The following BAHCC1 variants were observed in gnomAD, a reference collection of about 807,000 sequenced individuals.
BAHCC1 encodes the protein BAH and coiled-coil domain-containing protein 1.
Under a neutral mutation model 88.2 loss-of-function variants are expected in BAHCC1, and 43 were observed. That is an observed-to-expected ratio of 0.49 (90% CI 0.38 to 0.63). BAHCC1 has a LOEUF of 0.63. Among genes scored for constraint, BAHCC1 ranks in the 20% least tolerant of loss-of-function variants. The pLI, the probability that BAHCC1 is intolerant of heterozygous loss-of-function variation, is 0.00. For missense variants in BAHCC1, 3,023 were observed against 1,654.8 expected (o/e 1.83, Z -14.34); for synonymous variants, 1,510 against 745.5 (o/e 2.03, Z -16.71).
rs2064460990 is a variant in BAHCC1 at position 81,443,396 on chromosome 17, T to C, written c.2047T>C (p.Cys683Arg). The C allele has an allele frequency of 1.3e-6, 1 of 772,956 alleles. No individual in the cohort carries two copies. Among genetic ancestry groups the C allele is most frequent in the Non-Finnish European group, 2.4e-6 (1 of 414,904 alleles). The allele number at this position is 772,956 out of a possible 1,614,324, so 47.9% of individuals were successfully genotyped here. The change falls in exon 5 of 28, where the codon TGT becomes CGT. Residue 683 changes from cysteine to arginine, a missense_variant. Coordinates refer to ENST00000675386, the MANE Select transcript of BAHCC1 (RefSeq NM_001377448.1). ...CCCAGGCCAGTCGGAGAGGCCGGAC[T>C]GTGCCCGCAGCAGGGAGCACGACAC... ...KGPGQSERPD[C>R]ARSREHDTTH...
rs1210915587 is a variant in BAHCC1 at position 81,460,866 on chromosome 17, G to A, written c.6203G>A (p.Gly2068Asp). ...GKKSISKDKA[G>D]KAELLTSGAK... The stretch of plus-strand genomic sequence containing the variant: ...GACTCTGCTGGGCTTTTGCCCTCAG[G>A]TAAAGCCGAACTCCTAACCTCAGGT... Residue 2068 changes from glycine (G) to aspartate (D), a missense_variant and splice_region_variant, in exon 26 of 28, where the codon GGT (glycine) becomes GAT (aspartate). Coordinates refer to ENST00000675386, the MANE Select transcript of BAHCC1 (RefSeq NM_001377448.1). 3 of 766,292 alleles carry A rather than the reference G, an allele frequency of 3.9e-6. No homozygotes were observed. The highest frequency in any genetic ancestry group is 7.2e-6 in the Non-Finnish European group (3 of 417,874). The allele number at this position is 766,292 out of a possible 1,614,324, so 47.5% of individuals were successfully genotyped here.
In BAHCC1 at chr17:81,452,752, G is replaced by A. The variant is rs572349349; in HGVS notation, c.4346G>A (p.Arg1449Gln). 6 of 750,132 alleles carry A rather than the reference G, an allele frequency of 8.0e-6. No individual in the cohort carries two copies. Among genetic ancestry groups the A allele is most frequent in the African/African-American group, 3.5e-5 (2 of 56,588 alleles). 46.5% of individuals were successfully genotyped at this position (750,132 alleles called of 1,614,324 possible). ...GACGAGAGTTCACGGAGCCCTGCACGGCGGGGGCCTGGCCGGCCGAGGAAG... is the reference window on the plus strand; with the variant it reads ...GACGAGAGTTCACGGAGCCCTGCACAGCGGGGGCCTGGCCGGCCGAGGAAG... The part of the protein sequence containing the change: ...ERDESSRSPA[R>Q]RGPGRPRKRK... Residue 1449 changes from arginine to glutamine, a missense_variant, in exon 14 of 28, where the codon CGG becomes CAG. Physicochemically the swap from Arg to Gln is conservative, Grantham distance 43 (BLOSUM62 1). Transcript: ENST00000675386.
chr17:81,461,674 C>G lies in BAHCC1; in HGVS notation c.7011C>G (p.Leu2337=), dbSNP rs1555659475. ...SSSGSVSTSS[L]CSSDNEDSSY... is the part of the protein sequence containing the mutation. ...CAGGCTCCGTGTCCACCTCCAGCCT[C>G]TGCTCCTCCGACAACGAGGACTCGT... The change falls in exon 26 of 28, where the codon CTC becomes CTG. Residue 2337 remains leucine, a synonymous_variant. Coordinates refer to ENST00000675386, the MANE Select transcript of BAHCC1 (RefSeq NM_001377448.1). 1.4e-6 allele frequency: 1 copy of G among 726,176 alleles called. No individual in the cohort carries two copies. The highest frequency in any genetic ancestry group is 2.6e-6 in the Non-Finnish European group (1 of 389,778). 45.0% of individuals were successfully genotyped at this position (726,176 alleles called of 1,614,324 possible). A position where few individuals can be genotyped will look rare whatever the true frequency, so the allele number is the denominator to read the frequency against.
At chr17:81,428,163 C>T (rs2064222032) in intron 3 of BAHCC1, among the ~76,000 whole-genome samples, 3 of 152,182 alleles carry the variant, frequency 2.0e-5, no homozygotes, top group Non-Finnish European at 4.4e-5. Context: ...GCCCCTTCCT[C>T]CCACCCCTGC....
intron 15 of BAHCC1, among the ~76,000 whole-genome samples, 161 bp downstream of exon 15, chr17:81,455,551 G>C (rs906120853): frequency 2.0e-5 from 3 of 152,212 alleles, no homozygotes; most frequent in Non-Finnish European, 2.9e-5. Context: ...GAGGAGGAGG[G>C]TGACCCTGCG....
chr17:81,425,817 G>A (rs1427523731), intron 2 of BAHCC1, among the ~76,000 whole-genome samples: 1 of 144,014 alleles, frequency 6.9e-6, no homozygotes, highest in East Asian at 2.2e-4. Flanking sequence ...CGTGGTGGTG[G>A]TGGGTAATGT....
At chr17:81,421,863 C>G (rs545381970) in intron 2 of BAHCC1, 33 of 315,898 alleles carry the variant, frequency 1.0e-4, no homozygotes, top group African/African-American at 6.3e-4. Context: ...AGGCTCAGTA[C>G]GCAGGATGCC....
intron 2 of BAHCC1, chr17:81,421,930 T>TG (rs1460544899): frequency 9.5e-6 from 4 of 421,536 alleles, no homozygotes; most frequent in Non-Finnish European, 1.9e-5. Context: ...GAAGGGTATT[T>TG]GCAGCTGTGC....
intron 1 of BAHCC1, chr17:81,396,853 C>T (rs782029848): frequency 1.3e-4 from 20 of 152,544 alleles, no homozygotes; most frequent in Non-Finnish European, 2.8e-4. Flanking sequence ...CTCCGCCCGC[C>T]CGGGGCCCTC....
chr17:81,404,710 T>G (rs1370236157), intron 2 of BAHCC1, among the ~76,000 whole-genome samples: 1 of 152,228 alleles, frequency 6.6e-6, no homozygotes, highest in Non-Finnish European at 1.5e-5. Flanking sequence ...GCTGTCAACT[T>G]ACATATGTCA....
chr17:81,398,112 C>T (rs1253682561), intron 1 of BAHCC1, among the ~76,000 whole-genome samples: 1 of 152,276 alleles, frequency 6.6e-6, no homozygotes, highest in East Asian at 1.9e-4. Context: ...CGCAAAGTTC[C>T]TAATTAGGAA....
At chr17:81,460,037 T>G (rs2030109297) in intron 23 of BAHCC1, among the ~76,000 whole-genome samples, 1 of 151,998 alleles carries the variant, frequency 6.6e-6, no homozygotes, top group African/African-American at 2.4e-5. Flanking sequence ...CGTCAGCACG[T>G]GTGGGGAGGT....
chr17:81,436,216 T>C (rs1361268497), intron 3 of BAHCC1, among the ~76,000 whole-genome samples: 1 of 152,174 alleles, frequency 6.6e-6, no homozygotes, highest in Non-Finnish European at 1.5e-5. Flanking sequence ...GCCAGGCCTT[T>C]GGTCTTCGGG....
Position 81,438,391 on chromosome 17 carries a change from C to T in BAHCC1, c.380C>T (p.Ser127Leu), listed in dbSNP as rs781890318. ...CTAGCTCCGGGGTACCCCAGATTTT[C>T]GGGGAGTCTGGCATCCACCTTCCTA... ...SHEAPGYPRFSGSLASTFLPV... is the reference protein window; with the variant it reads ...SHEAPGYPRFLGSLASTFLPV... Residue 127 changes from serine (S) to leucine (L), a missense_variant, in exon 4 of 28, where the codon TCG becomes TTG. Transcript: ENST00000675386. 1.2e-5 allele frequency: 9 copies of T among 778,674 alleles called. No individual in the cohort carries two copies. Among genetic ancestry groups the T allele is most frequent in the Non-Finnish European group, 1.9e-5 (8 of 417,552 alleles). 48.2% of individuals were successfully genotyped at this position (778,674 alleles called of 1,614,324 possible).
chr17:81,455,395 G>A lies in BAHCC1; in HGVS notation c.4569+5G>A. 1.4e-6 allele frequency: 1 copy of A among 715,322 alleles called. No individual in the cohort carries two copies. The highest frequency in any genetic ancestry group is 1.5e-5 in the South Asian group (1 of 67,578). The allele number at this position is 715,322 out of a possible 1,614,324, so 44.3% of individuals were successfully genotyped here. ...GGCCTGCAGACTGCCTCCGTGGTGA[G>A]TGCCGAGGCGCCCGCCTTGCCCCAG... On this transcript the variant is annotated splice_donor_5th_base_variant and intron_variant, in intron 15 of 27. Coordinates refer to ENST00000675386, the MANE Select transcript of BAHCC1 (RefSeq NM_001377448.1).
At chr17:81,397,910 G>A (rs2063763291) in intron 1 of BAHCC1, among the ~76,000 whole-genome samples, 1 of 152,224 alleles carries the variant, frequency 6.6e-6, no homozygotes. Flanking sequence ...CTTATCAGCT[G>A]AGCAAATATG....
chr17:81,397,530 G>A (rs2143133955), intron 1 of BAHCC1, among the ~76,000 whole-genome samples: 1 of 152,200 alleles, frequency 6.6e-6, no homozygotes, highest in East Asian at 1.9e-4. Flanking sequence ...GAAGCTGCAG[G>A]TTTCTGACCT....
chr17:81,453,626 G>A lies in BAHCC1; in HGVS notation c.4445+775G>A, dbSNP rs544705038. Among the ~76,000 whole-genome samples the A allele has an allele frequency of 1.6e-4, 24 of 151,910 alleles. No homozygotes were observed. The East Asian group carries it at 3.9e-3, about 25-fold the overall frequency. On this transcript the variant is annotated intron_variant, in intron 14 of 27. Coordinates refer to ENST00000675386, the MANE Select transcript of BAHCC1 (RefSeq NM_001377448.1). The stretch of plus-strand genomic sequence containing the variant: ...AGAGCTGCCCCTGCCCTGCCCAGGT[G>A]TCTCCTGGGGGGGGGTCTCCTGGGG...
rs372730747 is a variant in BAHCC1, at chr17:81,460,303, C to T, written c.5932C>T (p.Leu1978=). The T allele has an allele frequency of 3.9e-6, 3 of 775,910 alleles. No homozygotes were observed. The highest frequency in any genetic ancestry group is 7.2e-6 in the Non-Finnish European group (3 of 416,136). 48.1% of individuals were successfully genotyped at this position (775,910 alleles called of 1,614,324 possible). A position where few individuals can be genotyped will look rare whatever the true frequency, so the allele number is the denominator to read the frequency against. ...GGCCTCCGGTGACGAAGATGAGGAC[C>T]TGGACTCAGTAGTGGTGGAATTTGA... The part of the protein sequence containing the change: ...RGASGDEDED[L]DSVVVEFDDG... The change falls in exon 24 of 28, where the codon CTG becomes TTG. Residue 1978 remains leucine (L), a synonymous_variant. Transcript: ENST00000675386.
Sources: gnomAD v4.1 joint callset for allele counts (sites outside exome capture counted in the v4.1 genomes callset) on GRCh38, gnomAD v4.1.1 for gene constraint, MANE v1.5 for transcripts, NCBI Gene and HGNC (gene_info 2026-07-23, HGNC 2026-07-21) for gene names.